The following SBF1 variants were observed in gnomAD, a reference collection of about 807,000 sequenced individuals.
The protein encoded by SBF1 is myotubularin-related protein 5.
A neutral mutation model predicts 215.8 loss-of-function variants in SBF1; 65 were observed. The observed-to-expected ratio is 0.30, with a 90% CI of 0.25 to 0.37. SBF1 has a LOEUF of 0.37. SBF1 is among the 10% of genes least tolerant of loss of function. The pLI, the probability that SBF1 is intolerant of heterozygous loss-of-function variation, is 1.00. For missense variants in SBF1, 2,634 were observed against 2,667.8 expected (o/e 0.99, Z 0.28); for synonymous variants, 1,410 against 1,122.8 (o/e 1.26, Z -5.11).
chr22:50,454,708 T>C lies in SBF1; in HGVS notation c.4847A>G (p.Lys1616Arg), dbSNP rs776847837. ...CTCCTCAGTGTAGAAGTCCCACACC[T>C]TCAGGTTGGACACGTTGCTGTAGGG... is the stretch of plus-strand genomic sequence containing the variant. ...LRPYSNVSNL[K>R]VWDFYTEETL... Residue 1616 changes from lysine to arginine, a missense_variant, in exon 36 of 41, where the codon AAG (lysine) becomes AGG (arginine). Transcript: ENST00000380817. 14 of 1,567,592 alleles carry C rather than the reference T, an allele frequency of 8.9e-6. No homozygotes were observed. In the South Asian group the frequency reaches 1.3e-4, roughly 15 times the overall value.
intron 16 of SBF1, 148 bp from the exon 17 acceptor site, chr22:50,463,086 T>A: frequency 8.9e-7 from 1 of 1,121,622 alleles, no homozygotes; most frequent in Non-Finnish European, 1.3e-6. Context: ...AGGCTCAATA[T>A]CAGGAGACCC....
chr22:50,459,204 A>G (rs760030491), intron 28 of SBF1, 51 bp downstream of exon 28: 2 of 1,560,606 alleles, frequency 1.3e-6, no homozygotes, highest in African/African-American at 1.4e-5. Context: ...AAATGCCACC[A>G]CGGCCCCCCA....
At chr22:50,457,414 CTG>C in intron 28 of SBF1, 1 of 346,686 alleles carries the variant, frequency 2.9e-6, no homozygotes. Flanking sequence ...AAGTCTGTCT[CTG>C]AGTCCCTCCC....
rs371044795 is a variant in SBF1, at chr22:50,461,874, G to A, written c.2570-5C>T. The stretch of plus-strand genomic sequence containing the variant: ...CGATGTGCATCTGGACAATGTCTGG[G>A]GGAAGACAGTTCTCACACTTTGTGC... On this transcript the variant is annotated splice_polypyrimidine_tract_variant and splice_region_variant and intron_variant, in intron 20 of 40. Coordinates refer to ENST00000380817, the MANE Select transcript of SBF1 (RefSeq NM_002972.4). The A allele has an allele frequency of 3.4e-5, 55 of 1,614,038 alleles. No individual in the cohort carries two copies. The African/African-American group carries it at 5.5e-4, about 16-fold the overall frequency.
chr22:50,463,858 A>T (rs1466281869), intron 15 of SBF1, among the ~76,000 whole-genome samples: 1 of 152,210 alleles, frequency 6.6e-6, no homozygotes, highest in African/African-American at 2.4e-5. Flanking sequence ...CCAATGAAAA[A>T]CAAGAGTCTC....
Position 50,464,689 on chromosome 22 carries a change from T to C in SBF1, c.1481A>G (p.Glu494Gly). Residue 494 changes from glutamate to glycine, a missense_variant, in exon 14 of 41, where the codon GAG (glutamate) becomes GGG (glycine). Coordinates refer to ENST00000380817, the MANE Select transcript of SBF1 (RefSeq NM_002972.4). Reference sequence around the variant, plus strand: ...GGGCACCCGTCGCAGGTGGCTGCTCTCACCGGGCCTCTGTACCTTGTGCAT... The same window carrying C: ...GGGCACCCGTCGCAGGTGGCTGCTCCCACCGGGCCTCTGTACCTTGTGCAT... ...VAMHKVQRPGESSHLRRVPRP... is the reference protein window; with the variant it reads ...VAMHKVQRPGGSSHLRRVPRP... The C allele has an allele frequency of 6.2e-7, 1 of 1,607,540 alleles. No homozygotes were observed. The highest frequency in any genetic ancestry group is 8.5e-7 in the Non-Finnish European group (1 of 1,179,640).
intron 1 of SBF1, among the ~76,000 whole-genome samples, chr22:50,470,465 C>A (rs1057344512): frequency 1.1e-4 from 17 of 152,256 alleles, no homozygotes; most frequent in Admixed American, 1.0e-3. Context: ...GCCCTGAGCT[C>A]CACTCTCCTT....
In SBF1 at chr22:50,471,326, GA is replaced by G. The variant is rs555058185; in HGVS notation, c.56-2866del. Among the ~76,000 whole-genome samples, 448 of 152,348 alleles carry G rather than the reference GA, an allele frequency of 2.9e-3. 2 individuals carry two copies. Among genetic ancestry groups the G allele is most frequent in the African/African-American group, 9.9e-3 (412 of 41,576 alleles). ...CCAGCCCCACGCAGACGGCAGGCCT[GA>G]AAGGCGGGCGGGCGGGCAGGCGAAC... is the stretch of plus-strand genomic sequence containing the variant. On this transcript the variant is annotated intron_variant, in intron 1 of 40. Coordinates refer to ENST00000380817, the MANE Select transcript of SBF1 (RefSeq NM_002972.4).
chr22:50,457,526 G>A (rs2067303313), intron 28 of SBF1, among the ~76,000 whole-genome samples: 1 of 152,250 alleles, frequency 6.6e-6, no homozygotes, highest in African/African-American at 2.4e-5. Flanking sequence ...CCTCTGTCCA[G>A]GGCACAGCAA....
chr22:50,454,931 C>G lies in SBF1; in HGVS notation c.4695G>C (p.Glu1565Asp). 6.2e-7 allele frequency: 1 copy of G among 1,614,074 alleles called. No individual in the cohort carries two copies. Among genetic ancestry groups the G allele is most frequent in the Non-Finnish European group, 8.5e-7 (1 of 1,180,008 alleles). Reference protein sequence around the residue: ...YERIELGLLYEEKGERRGQVP... With the variant: ...YERIELGLLYDEKGERRGQVP... The stretch of plus-strand genomic sequence containing the variant: ...CCTGGCCCCTGCGTTCCCCCTTCTC[C>G]TCATACAGCAGCCCTGCACAGAAGC... Residue 1565 changes from glutamate (E) to aspartate (D), a missense_variant, in exon 35 of 41, where the codon GAG becomes GAC. Physicochemically the swap from Glu to Asp is conservative, Grantham distance 45. Transcript: ENST00000380817.
At chr22:50,450,239 C>T (rs549866677) in intron 36 of SBF1, among the ~76,000 whole-genome samples, 10 of 152,152 alleles carry the variant, frequency 6.6e-5, no homozygotes, top group African/African-American at 1.9e-4. Context: ...TATGACCTGA[C>T]GCCGGCAGCA....
rs2066915667 is a variant in SBF1, at chr22:50,448,350, C to T, written c.5246G>A (p.Ser1749Asn). The T allele has an allele frequency of 6.2e-7, 1 of 1,613,774 alleles. No individual in the cohort carries two copies. The highest frequency in any genetic ancestry group is 8.5e-7 in the Non-Finnish European group (1 of 1,180,056). The change falls in exon 38 of 41, where the codon AGC (serine) becomes AAC (asparagine). Residue 1749 changes from serine (S) to asparagine (N), a missense_variant. Physicochemically the swap from Ser to Asn is conservative, Grantham distance 46. Transcript: ENST00000380817. The part of the protein sequence containing the change: ...LQEGPVGSTL[S>N]LSLDSDQSSG... ...ACTCTGGTCGCTGTCCAGGCTGAGG[C>T]TCAGGGTGGAGCCCACGGGCCCCTC... is the stretch of plus-strand genomic sequence containing the variant.
In SBF1 at chr22:50,461,143, G is replaced by A. The variant is rs369279620; in HGVS notation, c.2967+16C>T. The stretch of plus-strand genomic sequence containing the variant: ...AGGGCGGGGGATGAGAGCCCCACCC[G>A]CGCACCGCGCCCCACCTGGAATGTG... On this transcript the variant is annotated intron_variant, in intron 23 of 40. Transcript: ENST00000380817. 688 of 1,583,382 alleles carry A rather than the reference G, an allele frequency of 4.3e-4. 6 individuals carry two copies. The African/African-American group carries it at 8.1e-3, about 19-fold the overall frequency.
intron 24 of SBF1, 62 bp from the exon 25 acceptor site, chr22:50,460,470 T>C (rs1456591839): frequency 1.2e-6 from 2 of 1,607,328 alleles, no homozygotes; most frequent in East Asian, 2.2e-5. Flanking sequence ...CACAGGGGCC[T>C]AGGAGGGTTG....
Position 50,456,283 on chromosome 22 carries a change from C to A in SBF1, c.4199G>T (p.Cys1400Phe). 1 of 1,612,834 alleles carries A rather than the reference C, an allele frequency of 6.2e-7. No homozygotes were observed. Among genetic ancestry groups the A allele is most frequent in the Non-Finnish European group, 8.5e-7 (1 of 1,179,968 alleles). Residue 1400 changes from cysteine to phenylalanine, a missense_variant, in exon 31 of 41, where the codon TGC becomes TTC. Physicochemically the swap from Cys to Phe is radical, Grantham distance 205 (BLOSUM62 -2). Transcript: ENST00000380817. The stretch of plus-strand genomic sequence containing the variant: ...GGCTGGGCTGGGCTCAGCAGCGGGG[C>A]AGCCTGGGACACATGCTTTCAGCAG... ...KKLLKACVPG[C>F]PAAEPSPASF...
At position 50,462,548 on chromosome 22, in the gene SBF1, T is replaced by A. The variant is rs960474553; in HGVS notation, c.2127+11A>T. On this transcript the variant is annotated intron_variant, in intron 18 of 40. Transcript: ENST00000380817. ...AGCCCCCAGCCCCCAGCCCAGGGAGTCCCTGCGCACCTGGGCGGGGGCCAG... is the reference window on the plus strand; with the variant it reads ...AGCCCCCAGCCCCCAGCCCAGGGAGACCCTGCGCACCTGGGCGGGGGCCAG... The A allele has an allele frequency of 1.2e-5, 19 of 1,609,070 alleles. No individual in the cohort carries two copies. The highest frequency in any genetic ancestry group is 1.5e-5 in the Non-Finnish European group (18 of 1,178,518).
chr22:50,459,804 C>T (rs1183441683), intron 26 of SBF1, 138 bp from the exon 27 acceptor site: 8 of 1,293,494 alleles, frequency 6.2e-6, no homozygotes, highest in South Asian at 1.4e-5. Flanking sequence ...CCCCCAGCCA[C>T]CCCCCAGCCC....
chr22:50,458,253 C>T (rs866207785), intron 28 of SBF1, among the ~76,000 whole-genome samples: 15 of 146,504 alleles, frequency 1.0e-4, no homozygotes, highest in Admixed American at 1.4e-4. Flanking sequence ...TGCAGTGAGC[C>T]GAGATCGCAC....
In SBF1 at chr22:50,474,799, C is replaced by A; in HGVS notation, c.42G>T (p.Gly14=). The change falls in exon 1 of 41, where the codon GGG becomes GGT. Residue 14 remains glycine, a synonymous_variant. Coordinates refer to ENST00000380817, the MANE Select transcript of SBF1 (RefSeq NM_002972.4). ...LADYFVLVAF[G]PHPRGSGEGQ... ...CTCGGCACTCACCGCGCGGGTGCGG[C>A]CCGAACGCCACCAGCACGAAGTAGT... 2 of 1,459,820 alleles carry A rather than the reference C, an allele frequency of 1.4e-6. No homozygotes were observed. The highest frequency in any genetic ancestry group is 9.0e-7 in the Non-Finnish European group (1 of 1,110,076). The allele number at this position is 1,459,820 out of a possible 1,614,324, so 90.4% of individuals were successfully genotyped here. A position where few individuals can be genotyped will look rare whatever the true frequency, so the allele number is the denominator to read the frequency against.
Sources: allele counts gnomAD v4.1 joint callset (sites outside exome capture counted in the v4.1 genomes callset), GRCh38; gene constraint gnomAD v4.1.1; transcripts MANE v1.5; gene names NCBI Gene and HGNC (gene_info 2026-07-23, HGNC 2026-07-21).